The following SMG1 variants were observed in gnomAD, a reference collection of about 807,000 sequenced individuals.
SMG1 encodes SMG1 nonsense mediated mRNA decay associated PI3K related kinase.
A neutral mutation model predicts 419.9 loss-of-function variants in SMG1; 22 were observed. The ratio of observed to expected loss-of-function variants is 0.05; its 90% confidence interval spans 0.04 to 0.07. The LOEUF is 0.07. Among genes scored for constraint, SMG1 ranks in the 10% least tolerant of loss-of-function variants. The pLI, the probability that SMG1 is intolerant of heterozygous loss-of-function variation, is 1.00. For missense variants in SMG1, 3,185 were observed against 4,342.0 expected (o/e 0.73, Z 7.49); for synonymous variants, 1,538 against 1,553.5 (o/e 0.99, Z 0.23).
intron 1 of SMG1, among the ~76,000 whole-genome samples, chr16:18,909,562 C>A (rs2037711854): frequency 6.6e-6 from 1 of 152,008 alleles, no homozygotes; most frequent in Admixed American, 6.6e-5. Flanking sequence ...CACAACACAG[C>A]AAGACCTCCA....
intron 3 of SMG1, 142 bp from the exon 4 acceptor site, chr16:18,892,496 G>A: frequency 3.2e-6 from 2 of 615,688 alleles, no homozygotes; most frequent in South Asian, 4.7e-5. Context: ...TTGGAAGGCG[G>A]GTAGATCACC....
Position 18,808,819 on chromosome 16 carries a change from G to A in SMG1, c.*750C>T, listed in dbSNP as rs980454490. 7 of 152,460 alleles carry A rather than the reference G, an allele frequency of 4.6e-5. No homozygotes were observed. Among genetic ancestry groups the A allele is most frequent in the Admixed American group, 6.6e-5 (1 of 15,262 alleles). The allele number at this position is 152,460 out of a possible 1,614,324, so 9.4% of individuals were successfully genotyped here. A position where few individuals can be genotyped will look rare whatever the true frequency, so the allele number is the denominator to read the frequency against. On this transcript the variant is annotated 3_prime_UTR_variant, in exon 63 of 63. Transcript: ENST00000446231. ...CAGAAGTTGTTAACAGCATCGAGAC[G>A]GAAGTATATGAAATATAAGGACTGA... is the stretch of plus-strand genomic sequence containing the variant.
intron 54 of SMG1, 72 bp from the exon 55 acceptor site, chr16:18,828,240 G>A (rs1306706714): frequency 1.5e-5 from 22 of 1,483,188 alleles, no homozygotes; most frequent in Middle Eastern, 1.9e-4. Flanking sequence ...GAAGGGAGGC[G>A]CAACCTAGGA....
rs1398688741 is a variant in SMG1 at position 18,806,623 on chromosome 16, T to C, written c.*2946A>G. 1.3e-5 allele frequency: 2 copies of C among 152,188 alleles called. No individual in the cohort carries two copies. Among genetic ancestry groups the C allele is most frequent in the Non-Finnish European group, 2.9e-5 (2 of 68,036 alleles). 9.4% of individuals were successfully genotyped at this position (152,188 alleles called of 1,614,324 possible). A position where few individuals can be genotyped will look rare whatever the true frequency, so the allele number is the denominator to read the frequency against. On this transcript the variant is annotated 3_prime_UTR_variant, in exon 63 of 63. Transcript: ENST00000446231. ...TAAAAATTAGGCAATTCTAGTAAAT[T>C]AAAGACAGCAAAAAACTTAAGATTG... is the stretch of plus-strand genomic sequence containing the variant.
intron 1 of SMG1, 116 bp downstream of exon 1, chr16:18,925,834 C>T (rs1383993023): frequency 7.8e-6 from 6 of 767,788 alleles, no homozygotes; most frequent in Non-Finnish European, 1.1e-5. Context: ...GAAGCCGCGC[C>T]CGGCTCCGAG....
chr16:18,871,689 T>C (rs2035831620), intron 15 of SMG1, among the ~76,000 whole-genome samples: 4 of 152,098 alleles, frequency 2.6e-5, no homozygotes, highest in Admixed American at 1.3e-4. Flanking sequence ...AGCATGATAA[T>C]AGCAAAGAGG....
chr16:18,835,259 T>A, intron 48 of SMG1, 95 bp from the exon 49 acceptor site: 2 of 1,246,094 alleles, frequency 1.6e-6, no homozygotes, highest in African/African-American at 1.5e-5. Context: ...ACTTGAAGAG[T>A]AGAAATCATT....
In SMG1 at chr16:18,815,440, C is replaced by T; in HGVS notation, c.10514G>A (p.Ser3505Asn). The change falls in exon 59 of 63, where the codon AGT (serine) becomes AAT (asparagine). Residue 3505 changes from serine (S) to asparagine (N), a missense_variant and splice_region_variant. Physicochemically the swap from Ser to Asn is conservative, Grantham distance 46. Around this residue, in one of 27 missense-constraint regions of SMG1, gnomAD observed 737 missense variants for 846.6 expected, o/e 0.87. Transcript: ENST00000446231. ...TLKELKTQSQ[S>N]IYNNLVSFAS... is the part of the protein sequence containing the mutation. ...AATTCTGACCAGAAGGCATTCTTAC[C>T]TCTGACTTTGTGTTTTCAGTTCTTT... The T allele has an allele frequency of 6.2e-7, 1 of 1,613,784 alleles. No individual in the cohort carries two copies. The highest frequency in any genetic ancestry group is 8.5e-7 in the Non-Finnish European group (1 of 1,179,764).
chr16:18,897,008 A>C (rs183395191), intron 1 of SMG1, 52 bp from the exon 2 acceptor site: 47 of 1,300,110 alleles, frequency 3.6e-5, no homozygotes, highest in African/African-American at 1.6e-4. Flanking sequence ...ATAAATAAAT[A>C]TTTCTTTATA....
rs1451430085 is a variant in SMG1 at position 18,859,583 on chromosome 16, T to G, written c.3926A>C (p.Gln1309Pro). The G allele has an allele frequency of 3.2e-6, 5 of 1,585,288 alleles. No individual in the cohort carries two copies. The highest frequency in any genetic ancestry group is 4.3e-6 in the Non-Finnish European group (5 of 1,157,006). ...CLATALNPIE[Q>P]DQKWQSITEN... ...AGTTATAGACTGCCACTTCTGATCT[T>G]GTTCTATCGGGTTTAAAGCAGTTGC... is the stretch of plus-strand genomic sequence containing the variant. The change falls in exon 27 of 63, where the codon CAA becomes CCA. Residue 1309 changes from glutamine (Q) to proline (P), a missense_variant. Transcript: ENST00000446231.
In SMG1 at chr16:18,854,739, T is replaced by C. The variant is rs755423967; in HGVS notation, c.4400A>G (p.Lys1467Arg). The C allele has an allele frequency of 4.3e-6, 7 of 1,614,038 alleles. No homozygotes were observed. In the South Asian group the frequency reaches 7.7e-5, roughly 18 times the overall value. ...TTAQDLVQHF[K>R]KLSTQGQVDE... The stretch of plus-strand genomic sequence containing the variant: ...CACTTGACCTTGGGTTGATAGTTTT[T>C]TAAAATGTTGGACTAAATCCTGTGC... The change falls in exon 30 of 63, where the codon AAA becomes AGA. Residue 1467 changes from lysine (K) to arginine (R), a missense_variant. Physicochemically the swap from Lys to Arg is conservative, Grantham distance 26 (BLOSUM62 2). Coordinates refer to ENST00000446231, the MANE Select transcript of SMG1 (RefSeq NM_015092.5).
At position 18,882,665 on chromosome 16, in the gene SMG1, C is replaced by G. The variant is rs2036450787; in HGVS notation, c.1120-327G>C. On this transcript the variant is annotated intron_variant, in intron 9 of 62. Coordinates refer to ENST00000446231, the MANE Select transcript of SMG1 (RefSeq NM_015092.5). ...TAAATGAAGACGGAAGCTTTTGCCA[C>G]TCCTGAATTAGTTTTTGGCTAAAAA... Among the ~76,000 whole-genome samples the G allele has an allele frequency of 1.3e-5, 2 of 152,152 alleles. 1 individual carries two copies. The highest frequency in any genetic ancestry group is 4.1e-4 in the South Asian group (2 of 4,826).
chr16:18,910,734 G>T (rs2037760195), intron 1 of SMG1, among the ~76,000 whole-genome samples: 1 of 152,078 alleles, frequency 6.6e-6, no homozygotes. Flanking sequence ...GAAGATGCGT[G>T]TGGTTCTTCT....
At chr16:18,885,429 C>G in intron 7 of SMG1, 112 bp downstream of exon 7, 3 of 1,342,816 alleles carry the variant, frequency 2.2e-6, no homozygotes, top group Non-Finnish European at 3.2e-6. Flanking sequence ...TCAAATATCA[C>G]TGATTATATT....
rs1447761292 is a variant in SMG1 at position 18,829,314 on chromosome 16, C to T, written c.9575G>A (p.Arg3192Gln). Residue 3192 changes from arginine to glutamine, a missense_variant, in exon 54 of 63, where the codon CGG (arginine) becomes CAG (glutamine). Physicochemically the swap from Arg to Gln is conservative, Grantham distance 43. Around this residue, in one of 27 missense-constraint regions of SMG1, gnomAD observed 737 missense variants for 846.6 expected, o/e 0.87. Coordinates refer to ENST00000446231, the MANE Select transcript of SMG1 (RefSeq NM_015092.5). Reference protein sequence around the residue: ...SISSCKTSLQRVQLHIAMFQW... With the variant: ...SISSCKTSLQQVQLHIAMFQW... ...AAACATGGCAATATGCAGCTGAACC[C>T]GCTGCAGGCTTGTCTTACAAGAAGA... 7 of 1,613,372 alleles carry T rather than the reference C, an allele frequency of 4.3e-6. No individual in the cohort carries two copies. The highest frequency in any genetic ancestry group is 5.9e-6 in the Non-Finnish European group (7 of 1,179,454).
intron 57 of SMG1, 85 bp from the exon 58 acceptor site, chr16:18,816,614 G>A: frequency 1.8e-6 from 2 of 1,134,056 alleles, no homozygotes; most frequent in South Asian, 3.1e-5. Context: ...AAAGATATTA[G>A]TAACTCAAGC....
intron 1 of SMG1, among the ~76,000 whole-genome samples, chr16:18,901,015 G>C (rs2037324594): frequency 6.6e-6 from 1 of 152,126 alleles, no homozygotes; most frequent in Non-Finnish European, 1.5e-5. Context: ...TAATTTGAGA[G>C]GCTCAGGGAA....
At chr16:18,871,523 A>G (rs1567402495) in intron 15 of SMG1, 41 bp from the exon 16 acceptor site, 3 of 1,113,222 alleles carry the variant, frequency 2.7e-6, no homozygotes, top group Admixed American at 2.9e-5. Context: ...ATTAAAAAAA[A>G]CAAAAACCAA....
Position 18,858,153 on chromosome 16 carries a change from A to G in SMG1, c.4234+17T>C. The G allele has an allele frequency of 6.6e-7, 1 of 1,514,360 alleles. No individual in the cohort carries two copies. Among genetic ancestry groups the G allele is most frequent in the African/African-American group, 1.4e-5 (1 of 69,946 alleles). The allele number at this position is 1,514,360 out of a possible 1,614,324, so 93.8% of individuals were successfully genotyped here. On this transcript the variant is annotated intron_variant, in intron 29 of 62. Coordinates refer to ENST00000446231, the MANE Select transcript of SMG1 (RefSeq NM_015092.5). Reference sequence around the variant, plus strand: ...AACACCTTTAATTTTCTCTTACAAGAAAAAAAAACCACTTACCTTTAATTT... The same window carrying G: ...AACACCTTTAATTTTCTCTTACAAGGAAAAAAAACCACTTACCTTTAATTT...
Sources: gnomAD v4.1 joint callset for allele counts (sites outside exome capture counted in the v4.1 genomes callset) on GRCh38, gnomAD v4.1.1 for gene constraint, gnomAD v4.1.1 regional missense constraint, MANE v1.5 for transcripts, NCBI Gene and HGNC (gene_info 2026-07-23, HGNC 2026-07-21) for gene names.